PTPN4: variants seen among roughly 807,000 people sequenced by gnomAD.
PTPN4 encodes tyrosine-protein phosphatase non-receptor type 4.
A neutral mutation model predicts 135.5 loss-of-function variants in PTPN4; 49 were observed. That is an observed-to-expected ratio of 0.36 (90% CI 0.29 to 0.46). The LOEUF (loss-of-function observed/expected upper bound fraction) is 0.46. Ranked by LOEUF, PTPN4 falls within the 20% of genes least tolerant of loss-of-function variation. PTPN4 has a pLI of 1.00. For missense variants in PTPN4, 860 were observed against 1,101.0 expected, an observed-to-expected ratio of 0.78 and a Z score of 3.10; for synonymous variants, 333 against 369.9, an observed-to-expected ratio of 0.90 and a Z score of 1.14.
intron 19 of PTPN4, 109 bp downstream of exon 19, chr2:119,952,238 C>G: frequency 9.5e-7 from 1 of 1,052,580 alleles, no homozygotes; most frequent in Non-Finnish European, 1.3e-6. Context: ...AAGTTTCCTG[C>G]TCAAAGCACA....
At chr2:119,910,631 T>C (rs192539934) in intron 10 of PTPN4, among the ~76,000 whole-genome samples, 59 of 152,310 alleles carry the variant, frequency 3.9e-4, no homozygotes, top group African/African-American at 1.2e-3. Flanking sequence ...AGTTGAATGA[T>C]AGGGACAGTT....
chr2:119,866,397 A>G (rs992181219), intron 3 of PTPN4, among the ~76,000 whole-genome samples: 9 of 152,030 alleles, frequency 5.9e-5, no homozygotes, highest in Admixed American at 3.9e-4. Flanking sequence ...TCCTCTTTGC[A>G]TAGCTCCTAA....
At position 119,766,975 on chromosome 2, in the gene PTPN4, G is replaced by A. The variant is rs943506906; in HGVS notation, c.-18+6591G>A. ...GCCAGGTATTTTGCTAGACAGCGAAGTTGTCACGAGTTCTCATTTAACATT... is the reference window on the plus strand; with the variant it reads ...GCCAGGTATTTTGCTAGACAGCGAAATTGTCACGAGTTCTCATTTAACATT... On this transcript the variant is annotated intron_variant, in intron 1 of 26. Transcript: ENST00000263708. 1.5e-4 allele frequency among the ~76,000 whole-genome samples: 23 copies of A among 152,188 alleles called. 1 individual carries two copies. The highest frequency in any genetic ancestry group is 1.3e-3 in the Admixed American group (20 of 15,284).
At chr2:119,878,440 G>A (rs1678017560) in intron 5 of PTPN4, among the ~76,000 whole-genome samples, 1 of 152,100 alleles carries the variant, frequency 6.6e-6, no homozygotes, top group African/African-American at 2.4e-5. Flanking sequence ...TAAAAGATAG[G>A]TGTCAAAATT....
At chr2:119,854,520 C>G (rs1377459183) in intron 2 of PTPN4, among the ~76,000 whole-genome samples, 1 of 152,104 alleles carries the variant, frequency 6.6e-6, no homozygotes, top group Non-Finnish European at 1.5e-5. Flanking sequence ...CCACTTCCTG[C>G]TGAAAAGGGG....
At chr2:119,786,612 T>C (rs576658108) in intron 1 of PTPN4, among the ~76,000 whole-genome samples, 2 of 152,248 alleles carry the variant, frequency 1.3e-5, no homozygotes, top group African/African-American at 4.8e-5. Context: ...GGTGGGTGAC[T>C]GGATTCTGGG....
At chr2:119,803,367 G>A (rs547876379) in intron 1 of PTPN4, among the ~76,000 whole-genome samples, 1 of 152,176 alleles carries the variant, frequency 6.6e-6, no homozygotes, top group East Asian at 1.9e-4. Context: ...ATTTTGATAT[G>A]TTGTGTTTTC....
chr2:119,760,533 A>C, intron 1 of PTPN4, 149 bp downstream of exon 1: 1 of 353,914 alleles, frequency 2.8e-6, no homozygotes, highest in East Asian at 4.1e-5. Context: ...AAGGACAAAA[A>C]CAAACAAACA....
At chr2:119,852,279 A>T (rs1470469572) in intron 2 of PTPN4, among the ~76,000 whole-genome samples, 1 of 152,170 alleles carries the variant, frequency 6.6e-6, no homozygotes, top group Non-Finnish European at 1.5e-5. Context: ...GCCAACGGGG[A>T]TCAGCTTAGG....
intron 15 of PTPN4, among the ~76,000 whole-genome samples, chr2:119,944,232 A>G (rs114557503): frequency 0.013 from 1,920 of 152,270 alleles, 38 homozygotes; most frequent in African/African-American, 0.041. Context: ...AATAACGCCA[A>G]TAGTGGTCAG....
chr2:119,881,388 G>A (rs949236294), intron 5 of PTPN4, among the ~76,000 whole-genome samples: 4 of 152,140 alleles, frequency 2.6e-5, no homozygotes, highest in African/African-American at 7.2e-5. Flanking sequence ...TCAGACCAGC[G>A]AAAATCATCG....
chr2:119,792,166 A>G (rs1490883358), intron 1 of PTPN4, among the ~76,000 whole-genome samples: 1 of 152,162 alleles, frequency 6.6e-6, no homozygotes, highest in African/African-American at 2.4e-5. Flanking sequence ...CTGTCCTTTT[A>G]TTTCAAAAGG....
At chr2:119,955,549 T>G (rs151247039) in intron 20 of PTPN4, among the ~76,000 whole-genome samples, 129 of 152,270 alleles carry the variant, frequency 8.5e-4, no homozygotes, top group African/African-American at 2.8e-3. Flanking sequence ...ATAAGGAAAT[T>G]TTATACATAT....
intron 9 of PTPN4, among the ~76,000 whole-genome samples, chr2:119,896,920 G>C (rs562371930): frequency 2.1e-4 from 32 of 151,898 alleles, no homozygotes; most frequent in Non-Finnish European, 4.4e-4. Flanking sequence ...TCTTCTTTTG[G>C]CTCGTAAGTT....
At chr2:119,812,532 A>G (rs933471653) in intron 2 of PTPN4, among the ~76,000 whole-genome samples, 3 of 152,190 alleles carry the variant, frequency 2.0e-5, no homozygotes, top group African/African-American at 7.2e-5. Flanking sequence ...GAGTTGATGT[A>G]ACTTCACTAG....
chr2:119,819,209 C>T (rs1000971481), intron 2 of PTPN4, among the ~76,000 whole-genome samples: 82 of 152,270 alleles, frequency 5.4e-4, no homozygotes, highest in African/African-American at 1.6e-3. Context: ...AGAAAGCCAG[C>T]GTGAGACTTG....
At chr2:119,770,245 T>A (rs560377896) in intron 1 of PTPN4, among the ~76,000 whole-genome samples, 1 of 152,260 alleles carries the variant, frequency 6.6e-6, no homozygotes, top group Non-Finnish European at 1.5e-5. Flanking sequence ...ATGGTACAGA[T>A]AAGTCATAGA....
chr2:119,799,104 T>C (rs1691317065), intron 1 of PTPN4, among the ~76,000 whole-genome samples: 1 of 152,210 alleles, frequency 6.6e-6, no homozygotes, highest in African/African-American at 2.4e-5. Context: ...GGTGAAGTTG[T>C]TAGGGACATT....
intron 1 of PTPN4, among the ~76,000 whole-genome samples, chr2:119,805,348 G>A (rs755013180): frequency 1.3e-5 from 2 of 152,162 alleles, no homozygotes; most frequent in African/African-American, 4.8e-5. Flanking sequence ...TGGTGTTTTA[G>A]TTATGAAGTC....
Sources: allele counts gnomAD v4.1 joint callset (sites outside exome capture counted in the v4.1 genomes callset), GRCh38; gene constraint gnomAD v4.1.1; transcripts MANE v1.5; gene names NCBI Gene and HGNC (gene_info 2026-07-23, HGNC 2026-07-21).